The following CRYBG3 variants were observed in gnomAD, a reference collection of about 807,000 sequenced individuals.
The protein encoded by CRYBG3 is crystallin beta-gamma domain containing 3.
A neutral mutation model predicts 244.2 loss-of-function variants in CRYBG3; 127 were observed. That is an observed-to-expected ratio of 0.52 (90% CI 0.45 to 0.60). The LOEUF (loss-of-function observed/expected upper bound fraction) is 0.60. CRYBG3 is among the 20% of genes least tolerant of loss of function. The pLI is 0.00. For missense variants in CRYBG3, 3,325 were observed against 3,442.5 expected (o/e 0.97, Z 0.85); for synonymous variants, 1,132 against 1,195.8 (o/e 0.95, Z 1.10).
intron 15 of CRYBG3, 32 bp downstream of exon 15, chr3:97,900,517 A>G (rs770027582): frequency 1.5e-6 from 2 of 1,355,268 alleles, no homozygotes; most frequent in South Asian, 2.5e-5. Flanking sequence ...TAATTGTTAA[A>G]TTGTTTACTA....
At chr3:97,916,410 T>G (rs938442256) in intron 17 of CRYBG3, among the ~76,000 whole-genome samples, 4 of 152,154 alleles carry the variant, frequency 2.6e-5, no homozygotes, top group African/African-American at 9.7e-5. Flanking sequence ...AGGTTTTCCT[T>G]TTTACCACAT....
intron 3 of CRYBG3, 139 bp from the exon 4 acceptor site, chr3:97,871,703 C>A: frequency 2.0e-6 from 1 of 508,590 alleles, no homozygotes; most frequent in Non-Finnish European, 3.3e-6. Context: ...AAATTTAAAG[C>A]GTTCTAGGAT....
At chr3:97,883,000 A>G (rs1291053413) in intron 7 of CRYBG3, among the ~76,000 whole-genome samples, 1 of 152,152 alleles carries the variant, frequency 6.6e-6, no homozygotes, top group African/African-American at 2.4e-5. Context: ...GCTGAGTCAC[A>G]TGATTATATG....
Position 97,843,350 on chromosome 3 carries a change from T to C in CRYBG3, c.216+89T>C, listed in dbSNP as rs993043184. 33 of 760,232 alleles carry C rather than the reference T, an allele frequency of 4.3e-5. No homozygotes were observed. In the East Asian group the frequency reaches 8.5e-4, roughly 19 times the overall value. 47.1% of individuals were successfully genotyped at this position (760,232 alleles called of 1,614,324 possible). A position where few individuals can be genotyped will look rare whatever the true frequency, so the allele number is the denominator to read the frequency against. On this transcript the variant is annotated intron_variant, in intron 2 of 21. Coordinates refer to ENST00000389622, the MANE Select transcript of CRYBG3 (RefSeq NM_153605.4). Reference sequence around the variant, plus strand: ...TAGATTCTGTCATCTTATTTTACATTTCAAAAAGAACACTGTATAATTACT... The same window carrying C: ...TAGATTCTGTCATCTTATTTTACATCTCAAAAAGAACACTGTATAATTACT...
At chr3:97,861,656 A>C (rs562039079) in intron 2 of CRYBG3, among the ~76,000 whole-genome samples, 1 of 152,214 alleles carries the variant, frequency 6.6e-6, no homozygotes, top group Admixed American at 6.5e-5. Context: ...TAGAATGAAC[A>C]TTTTGTTAAT....
chr3:97,894,686 T>A (rs545239654), intron 11 of CRYBG3, among the ~76,000 whole-genome samples: 7 of 152,188 alleles, frequency 4.6e-5, no homozygotes, highest in Non-Finnish European at 1.0e-4. Flanking sequence ...TTAAGGTCTT[T>A]TATACCTTTT....
At chr3:97,886,805 C>A in intron 8 of CRYBG3, 38 bp downstream of exon 8, 1 of 1,469,134 alleles carries the variant, frequency 6.8e-7, no homozygotes, top group Non-Finnish European at 9.1e-7. Flanking sequence ...TGATTGATGG[C>A]CACCAATTTC....
At chr3:97,911,399 A>G (rs1310318538) in intron 15 of CRYBG3, among the ~76,000 whole-genome samples, 1 of 152,074 alleles carries the variant, frequency 6.6e-6, no homozygotes, top group Non-Finnish European at 1.5e-5. Context: ...AGAGTTGCAG[A>G]TTATTATATA....
chr3:97,845,112 A>G lies in CRYBG3; in HGVS notation c.216+1851A>G, dbSNP rs541216358. ...GACTGTTGCTACCAGGCATCATAAC[A>G]AATATGTATTTTGGTAATGTAACAT... On this transcript the variant is annotated intron_variant, in intron 2 of 21. Transcript: ENST00000389622. 4.6e-5 allele frequency among the ~76,000 whole-genome samples: 7 copies of G among 152,328 alleles called. No homozygotes were observed. In the South Asian group the frequency reaches 1.4e-3, roughly 32 times the overall value.
intron 1 of CRYBG3, among the ~76,000 whole-genome samples, chr3:97,832,966 G>A (rs571298913): frequency 6.6e-6 from 1 of 152,180 alleles, no homozygotes; most frequent in Non-Finnish European, 1.5e-5. Context: ...ATGAAAAAAA[G>A]CTCATCATCA....
intron 2 of CRYBG3, among the ~76,000 whole-genome samples, chr3:97,850,600 G>C (rs920993330): frequency 2.0e-5 from 3 of 152,182 alleles, no homozygotes; most frequent in Non-Finnish European, 2.9e-5. Flanking sequence ...GCTGCATTAA[G>C]GTAAGGTAGT....
chr3:97,884,295 C>G (rs1352427086), intron 7 of CRYBG3, among the ~76,000 whole-genome samples: 1 of 152,018 alleles, frequency 6.6e-6, no homozygotes, highest in African/African-American at 2.4e-5. Flanking sequence ...CAAGTGCTTT[C>G]ATTTATAAAA....
chr3:97,836,368 T>A (rs769669009), intron 1 of CRYBG3, among the ~76,000 whole-genome samples: 10 of 152,066 alleles, frequency 6.6e-5, no homozygotes, highest in Non-Finnish European at 1.5e-4. Flanking sequence ...ACCACCTGTT[T>A]TATATTCCGT....
At chr3:97,844,212 T>G (rs2038865890) in intron 2 of CRYBG3, among the ~76,000 whole-genome samples, 1 of 152,192 alleles carries the variant, frequency 6.6e-6, no homozygotes, top group Non-Finnish European at 1.5e-5. Flanking sequence ...ATCACCTTGC[T>G]TTCCTTTCTT....
chr3:97,922,238 G>C (rs930481683), intron 17 of CRYBG3, among the ~76,000 whole-genome samples: 17 of 152,090 alleles, frequency 1.1e-4, no homozygotes, highest in African/African-American at 3.9e-4. Flanking sequence ...AAAAACCCTA[G>C]AAGAAAACCT....
At chr3:97,937,958 C>T (rs1346879488) in intron 19 of CRYBG3, among the ~76,000 whole-genome samples, 2 of 152,016 alleles carry the variant, frequency 1.3e-5, no homozygotes, top group Non-Finnish European at 2.9e-5. Context: ...GCATAATTAT[C>T]CAAAAGCCAC....
intron 8 of CRYBG3, 50 bp downstream of exon 8, chr3:97,886,817 TA>T (rs751998952): frequency 7.0e-7 from 1 of 1,436,976 alleles, no homozygotes; most frequent in Non-Finnish European, 9.4e-7. Context: ...ACCAATTTCA[TA>T]TTTCAATAGA....
intron 1 of CRYBG3, among the ~76,000 whole-genome samples, chr3:97,824,031 C>G (rs760973448): frequency 2.6e-5 from 4 of 152,166 alleles, no homozygotes; most frequent in Non-Finnish European, 2.9e-5. Context: ...CTTATATCAA[C>G]GCTAATTTTG....
At chr3:97,915,523 C>A in intron 16 of CRYBG3, 87 bp from the exon 17 acceptor site, 6 of 1,422,400 alleles carry the variant, frequency 4.2e-6, no homozygotes, top group Middle Eastern at 1.9e-4. Context: ...TATGCCCTAC[C>A]CCTACCCCAA....
Sources: gnomAD v4.1 joint callset for allele counts (sites outside exome capture counted in the v4.1 genomes callset) on GRCh38, gnomAD v4.1.1 for gene constraint, MANE v1.5 for transcripts, NCBI Gene and HGNC (gene_info 2026-07-23, HGNC 2026-07-21) for gene names.